The following PTCHD4 variants were observed in gnomAD, a reference collection of about 807,000 sequenced individuals.
The protein encoded by PTCHD4 is patched domain-containing protein 4.
PTCHD4 carries 33 observed loss-of-function variants against 58.1 expected under a neutral mutation model. That is an observed-to-expected ratio of 0.57 (90% CI 0.43 to 0.76). The LOEUF is 0.76. PTCHD4 is among the 30% of genes least tolerant of loss of function. The pLI, the probability that PTCHD4 is intolerant of heterozygous loss-of-function variation, is 0.00. For missense variants in PTCHD4, 1,058 were observed against 1,027.1 expected, an observed-to-expected ratio of 1.03 and a Z score of -0.41; for synonymous variants, 478 against 409.6, an observed-to-expected ratio of 1.17 and a Z score of -2.02.
intron 4 of PTCHD4, among the ~76,000 whole-genome samples, chr6:47,888,568 T>C (rs1026497284): frequency 1.3e-5 from 2 of 152,216 alleles, no homozygotes; most frequent in Admixed American, 6.5e-5. Context: ...AGTGTATAGA[T>C]AAAAGACATA....
chr6:47,974,615 A>T (rs1384620659), intron 4 of PTCHD4, among the ~76,000 whole-genome samples: 2 of 152,190 alleles, frequency 1.3e-5, no homozygotes, highest in Non-Finnish European at 2.9e-5. Flanking sequence ...ACAATCAAAA[A>T]TGTTTTCAGG....
rs1016970256 is a variant in PTCHD4, at chr6:48,066,941, C to T, written c.417+1289G>A. Among the ~76,000 whole-genome samples the T allele has an allele frequency of 3.3e-5, 5 of 151,484 alleles. No individual in the cohort carries two copies. In the East Asian group the frequency reaches 7.7e-4, roughly 23 times the overall value. On this transcript the variant is annotated intron_variant, in intron 3 of 4. Coordinates refer to ENST00000339488, the MANE Select transcript of PTCHD4 (RefSeq NM_001384253.1). ...GTTTTTTTTTTTAATGTATAGATGCCGACTATATCAAATTAGTGATTTCCT... is the reference window on the plus strand; with the variant it reads ...GTTTTTTTTTTTAATGTATAGATGCTGACTATATCAAATTAGTGATTTCCT...
At chr6:47,952,748 A>G (rs937687293) in intron 4 of PTCHD4, among the ~76,000 whole-genome samples, 1 of 152,134 alleles carries the variant, frequency 6.6e-6, no homozygotes, top group Non-Finnish European at 1.5e-5. Flanking sequence ...GCATATAGCC[A>G]AAGTGTGTAT....
At position 47,865,153 on chromosome 6, in the gene PTCHD4, T is replaced by G. The variant is rs1462361643; in HGVS notation, c.*13150A>C. Reference sequence around the variant, plus strand: ...TTGTAGTGTCTCTAGCTATAATACGTGCATGTAGATAAGAGTTATATATAC... The same window carrying G: ...TTGTAGTGTCTCTAGCTATAATACGGGCATGTAGATAAGAGTTATATATAC... On this transcript the variant is annotated 3_prime_UTR_variant, in exon 5 of 5. Transcript: ENST00000339488. 6.6e-6 allele frequency among the ~76,000 whole-genome samples: 1 copy of G among 151,952 alleles called. No individual in the cohort carries two copies. The highest frequency in any genetic ancestry group is 1.5e-5 in the Non-Finnish European group (1 of 67,916).
Position 47,875,185 on chromosome 6 carries a change from A to G in PTCHD4, c.*3118T>C, listed in dbSNP as rs867917714. On this transcript the variant is annotated 3_prime_UTR_variant, in exon 5 of 5. Coordinates refer to ENST00000339488, the MANE Select transcript of PTCHD4 (RefSeq NM_001384253.1). ...ATTTCCCACAAATTTCTTCTCTTCT[A>G]GGAGTTGATTGGTCATCTGCTGACA... 1.3e-5 allele frequency among the ~76,000 whole-genome samples: 2 copies of G among 151,884 alleles called. No homozygotes were observed. The highest frequency in any genetic ancestry group is 4.8e-5 in the African/African-American group (2 of 41,394).
intron 4 of PTCHD4, among the ~76,000 whole-genome samples, chr6:47,927,431 T>A (rs1426359425): frequency 6.6e-6 from 1 of 152,110 alleles, no homozygotes; most frequent in African/African-American, 2.4e-5. Context: ...CTCTCAGGGA[T>A]GCAACTAATT....
At chr6:47,939,411 C>A (rs1048616805) in intron 4 of PTCHD4, among the ~76,000 whole-genome samples, 4 of 151,940 alleles carry the variant, frequency 2.6e-5, no homozygotes, top group Admixed American at 6.6e-5. Flanking sequence ...AGGAATAATA[C>A]GGGAGAGAGG....
rs1376573504 is a variant in PTCHD4, at chr6:47,871,455, A to C, written c.*6848T>G. Among the ~76,000 whole-genome samples, 1 of 151,602 alleles carries C rather than the reference A, an allele frequency of 6.6e-6. No homozygotes were observed. ...TCTTACTGGGTAGACTGCTGCCTCT[A>C]ATCAAAGTCAGATTACTCTCTTTCT... On this transcript the variant is annotated 3_prime_UTR_variant, in exon 5 of 5. Transcript: ENST00000339488.
At chr6:47,892,847 C>T (rs1236608693) in intron 4 of PTCHD4, among the ~76,000 whole-genome samples, 1 of 152,114 alleles carries the variant, frequency 6.6e-6, no homozygotes, top group Non-Finnish European at 1.5e-5. Context: ...AAAAACATTC[C>T]ACAGCTGGAT....
At chr6:48,025,334 A>T (rs1025007437) in intron 3 of PTCHD4, among the ~76,000 whole-genome samples, 2 of 152,226 alleles carry the variant, frequency 1.3e-5, no homozygotes, top group African/African-American at 4.8e-5. Context: ...CGTTGCTCCC[A>T]ATTTAACACA....
chr6:48,103,867 T>C (rs12179261), intron 1 of PTCHD4, among the ~76,000 whole-genome samples: 23,518 of 151,960 alleles, frequency 0.15, 1,870 homozygotes, highest in African/African-American at 0.2. Flanking sequence ...GAAGATGAAA[T>C]GAATGAAATG....
intron 4 of PTCHD4, among the ~76,000 whole-genome samples, chr6:47,927,557 C>G (rs1765665188): frequency 6.6e-6 from 1 of 152,088 alleles, no homozygotes; most frequent in Non-Finnish European, 1.5e-5. Flanking sequence ...AGAACTGGAT[C>G]TTACATTAAA....
chr6:47,881,386 T>C (rs1345614124), intron 4 of PTCHD4, among the ~76,000 whole-genome samples: 1 of 152,186 alleles, frequency 6.6e-6, no homozygotes, highest in Non-Finnish European at 1.5e-5. Flanking sequence ...TAGAGGTGTT[T>C]CATGTGACAT....
intron 4 of PTCHD4, among the ~76,000 whole-genome samples, chr6:47,955,599 A>G (rs1766827227): frequency 6.6e-6 from 1 of 152,212 alleles, no homozygotes; most frequent in Admixed American, 6.5e-5. Context: ...GAAACTTACC[A>G]GTGAGTCATG....
chr6:48,111,060 C>T lies in PTCHD4; in HGVS notation c.-981G>A, dbSNP rs540612016. ...TGGGGTTCCCTTACCTTCTGGCTTTCGGTTTGGATTGGCGCATGGAGGCAA... is the reference window on the plus strand; with the variant it reads ...TGGGGTTCCCTTACCTTCTGGCTTTTGGTTTGGATTGGCGCATGGAGGCAA... On this transcript the variant is annotated 5_prime_UTR_variant, in exon 1 of 5. Coordinates refer to ENST00000339488, the MANE Select transcript of PTCHD4 (RefSeq NM_001384253.1). 9.9e-5 allele frequency among the ~76,000 whole-genome samples: 15 copies of T among 151,860 alleles called. No homozygotes were observed. Among genetic ancestry groups the T allele is most frequent in the Non-Finnish European group, 1.6e-4 (11 of 67,984 alleles).
intron 4 of PTCHD4, among the ~76,000 whole-genome samples, chr6:47,960,647 A>T (rs1223887710): frequency 6.6e-6 from 1 of 152,108 alleles, no homozygotes; most frequent in Non-Finnish European, 1.5e-5. Context: ...AATATAATAC[A>T]TTAGAAAAAC....
chr6:47,927,343 C>A (rs1367222178), intron 4 of PTCHD4, among the ~76,000 whole-genome samples: 1 of 152,130 alleles, frequency 6.6e-6, no homozygotes, highest in Non-Finnish European at 1.5e-5. Flanking sequence ...GTCAAGCAGT[C>A]CCTCCGTAGC....
chr6:48,096,094 T>C (rs1235317109), intron 1 of PTCHD4, among the ~76,000 whole-genome samples: 2 of 152,182 alleles, frequency 1.3e-5, no homozygotes, highest in Non-Finnish European at 2.9e-5. Flanking sequence ...GACAAATCAA[T>C]TATAGATAAC....
At chr6:48,035,106 C>T (rs940042741) in intron 3 of PTCHD4, among the ~76,000 whole-genome samples, 22 of 151,970 alleles carry the variant, frequency 1.4e-4, no homozygotes, top group African/African-American at 4.1e-4. Flanking sequence ...TATATTTTCC[C>T]CTTTTATTAT....
Sources: allele counts gnomAD v4.1 joint callset (sites outside exome capture counted in the v4.1 genomes callset), GRCh38; gene constraint gnomAD v4.1.1; transcripts MANE v1.5; gene names NCBI Gene and HGNC (gene_info 2026-07-23, HGNC 2026-07-21).